CAMK2D: variants seen among roughly 807,000 people sequenced by gnomAD.
CAMK2D encodes the protein calcium/calmodulin-dependent protein kinase type II subunit delta.
CAMK2D carries 37 observed loss-of-function variants against 84.0 expected under a neutral mutation model. The observed-to-expected ratio is 0.44, with a 90% CI of 0.34 to 0.58. The LOEUF is 0.58. Ranked by LOEUF, CAMK2D falls within the 20% of genes least tolerant of loss-of-function variation. CAMK2D has a pLI of 0.02. For missense variants in CAMK2D, 448 were observed against 652.5 expected (o/e 0.69, Z 3.41); for synonymous variants, 202 against 212.5 (o/e 0.95, Z 0.43).
intron 3 of CAMK2D, among the ~76,000 whole-genome samples, chr4:113,618,325 C>T (rs138325579): frequency 6.6e-6 from 1 of 152,124 alleles, no homozygotes; most frequent in Non-Finnish European, 1.5e-5. Flanking sequence ...AAAAAATTAA[C>T]CGAGCAGATG....
At chr4:113,599,471 C>T (rs938378064) in intron 4 of CAMK2D, among the ~76,000 whole-genome samples, 6 of 152,042 alleles carry the variant, frequency 3.9e-5, no homozygotes, top group East Asian at 1.9e-4. Context: ...AACTCTGGTA[C>T]GTCCAGACAA....
chr4:113,613,106 ATAT>A (rs768913364), intron 3 of CAMK2D, among the ~76,000 whole-genome samples: 1 of 152,150 alleles, frequency 6.6e-6, no homozygotes, highest in South Asian at 2.1e-4. Context: ...GGGTTAAAAG[ATAT>A]AATAAAACTT....
intron 2 of CAMK2D, among the ~76,000 whole-genome samples, chr4:113,740,968 T>A (rs1194728112): frequency 6.6e-6 from 1 of 152,000 alleles, no homozygotes; most frequent in East Asian, 1.9e-4. Context: ...CTGAGAAGCA[T>A]GATAAAATCT....
intron 8 of CAMK2D, among the ~76,000 whole-genome samples, chr4:113,526,744 CAT>C (rs960290202): frequency 3.0e-4 from 45 of 151,964 alleles, no homozygotes; most frequent in Admixed American, 7.9e-4. Context: ...TAAAATTGAA[CAT>C]AGTGTGTTTT....
At chr4:113,720,157 C>A (rs1407024210) in intron 2 of CAMK2D, among the ~76,000 whole-genome samples, 7 of 151,970 alleles carry the variant, frequency 4.6e-5, no homozygotes, top group South Asian at 2.1e-4. Context: ...AAATGTCTAG[C>A]ATTTGAAGGG....
intron 2 of CAMK2D, among the ~76,000 whole-genome samples, chr4:113,736,318 T>G (rs996226399): frequency 6.6e-6 from 1 of 152,090 alleles, no homozygotes; most frequent in Non-Finnish European, 1.5e-5. Flanking sequence ...AGACACTGAG[T>G]GTACAAAGAA....
chr4:113,617,423 A>G (rs1561385990), intron 3 of CAMK2D, among the ~76,000 whole-genome samples: 1 of 151,808 alleles, frequency 6.6e-6, no homozygotes, highest in Non-Finnish European at 1.5e-5. Context: ...AGAAATCGCC[A>G]CTGTACTCCA....
chr4:113,583,249 T>G (rs2374001), intron 4 of CAMK2D, among the ~76,000 whole-genome samples: 1 of 145,300 alleles, frequency 6.9e-6, no homozygotes, highest in African/African-American at 2.5e-5. Flanking sequence ...GCACAAAAAA[T>G]GCAAGTTGAT....
At chr4:113,630,953 T>C (rs937381407) in intron 3 of CAMK2D, among the ~76,000 whole-genome samples, 2 of 152,210 alleles carry the variant, frequency 1.3e-5, no homozygotes, top group African/African-American at 4.8e-5. Context: ...TTGTCTAGCA[T>C]ATTAGCATTT....
At chr4:113,516,466 C>T (rs1350733832) in intron 9 of CAMK2D, among the ~76,000 whole-genome samples, 3 of 152,056 alleles carry the variant, frequency 2.0e-5, no homozygotes, top group Admixed American at 1.3e-4. Flanking sequence ...GCTACGTCTG[C>T]CCAGAGAGGG....
chr4:113,527,043 AT>A (rs1394712878), intron 8 of CAMK2D, among the ~76,000 whole-genome samples: 1 of 151,788 alleles, frequency 6.6e-6, no homozygotes, highest in African/African-American at 2.4e-5. Context: ...TCTGTGTCAC[AT>A]TTTGGTGAGT....
intron 3 of CAMK2D, among the ~76,000 whole-genome samples, chr4:113,636,116 C>T (rs978385918): frequency 3.3e-5 from 5 of 152,162 alleles, no homozygotes; most frequent in Admixed American, 1.3e-4. Flanking sequence ...ATTAATGTGC[C>T]GGTAACAAAT....
At chr4:113,667,809 T>C (rs571762131) in intron 2 of CAMK2D, among the ~76,000 whole-genome samples, 1 of 152,340 alleles carries the variant, frequency 6.6e-6, no homozygotes, top group African/African-American at 2.4e-5. Context: ...ACCTAGAATC[T>C]TTCTGACATT....
At chr4:113,750,294 C>T (rs1165599888) in intron 2 of CAMK2D, among the ~76,000 whole-genome samples, 2 of 152,138 alleles carry the variant, frequency 1.3e-5, no homozygotes, top group East Asian at 3.9e-4. Flanking sequence ...TGCAACAGTA[C>T]CAGGTGTACT....
At chr4:113,669,496 G>A (rs1232839280) in intron 2 of CAMK2D, among the ~76,000 whole-genome samples, 1 of 152,116 alleles carries the variant, frequency 6.6e-6, no homozygotes, top group African/African-American at 2.4e-5. Flanking sequence ...GTATTGAATG[G>A]AGACTGTTGG....
At chr4:113,549,766 T>C (rs1279751409) in intron 5 of CAMK2D, among the ~76,000 whole-genome samples, 1 of 152,204 alleles carries the variant, frequency 6.6e-6, no homozygotes, top group African/African-American at 2.4e-5. Context: ...AATATTATTC[T>C]AAAGAAAAAT....
intron 2 of CAMK2D, among the ~76,000 whole-genome samples, chr4:113,705,004 A>G (rs1422452758): frequency 6.6e-6 from 1 of 152,000 alleles, no homozygotes; most frequent in Non-Finnish European, 1.5e-5. Context: ...ATATTTAATC[A>G]GATATCAGGG....
At chr4:113,607,036 TATC>T (rs2098980560) in intron 4 of CAMK2D, among the ~76,000 whole-genome samples, 1 of 151,686 alleles carries the variant, frequency 6.6e-6, no homozygotes, top group African/African-American at 2.4e-5. Flanking sequence ...CTGGCAAAAA[TATC>T]ATTCAGGAAT....
At chr4:113,737,909 AT>A (rs1283518956) in intron 2 of CAMK2D, among the ~76,000 whole-genome samples, 1 of 152,012 alleles carries the variant, frequency 6.6e-6, no homozygotes, top group African/African-American at 2.4e-5. Context: ...GGGTCAATGA[AT>A]TTAGGCAAGG....
Sources: gnomAD v4.1 joint callset for allele counts (sites outside exome capture counted in the v4.1 genomes callset) on GRCh38, gnomAD v4.1.1 for gene constraint, MANE v1.5 for transcripts, NCBI Gene and HGNC (gene_info 2026-07-23, HGNC 2026-07-21) for gene names.